SFMBT2: variants seen among roughly 807,000 people sequenced by gnomAD.
The protein encoded by SFMBT2 is scm-like with four MBT domains protein 2.
In SFMBT2, 38 loss-of-function variants were observed where a neutral mutation model predicts 110.1. That is an observed-to-expected ratio of 0.35 (90% CI 0.27 to 0.45). The LOEUF is 0.45. Ranked by LOEUF, SFMBT2 falls within the 20% of genes least tolerant of loss-of-function variation. The pLI, the probability that SFMBT2 is intolerant of heterozygous loss-of-function variation, is 1.00. For missense variants in SFMBT2, 1,011 were observed against 1,094.9 expected (o/e 0.92, Z 1.08); for synonymous variants, 425 against 425.4 (o/e 1.00, Z 0.01).
rs571614059 is a variant in SFMBT2, at chr10:7,317,572, C to A, written c.437-31618G>T. On this transcript the variant is annotated intron_variant, in intron 4 of 20. Coordinates refer to ENST00000397167, the MANE Select transcript of SFMBT2 (RefSeq NM_001387889.1). The stretch of plus-strand genomic sequence containing the variant: ...AGGAGAACCACTTGAACTCAGGAGG[C>A]GGAGGTTGCGGTGAGCGAAGATCAT... Among the ~76,000 whole-genome samples the A allele has an allele frequency of 7.5e-5, 10 of 134,018 alleles. No individual in the cohort carries two copies. The East Asian group carries it at 2.3e-3, about 31-fold the overall frequency. The allele number at this position is 134,018 out of a possible 152,430, so 87.9% of individuals were successfully genotyped here.
intron 9 of SFMBT2, among the ~76,000 whole-genome samples, chr10:7,228,730 T>TC (rs1314908163): frequency 8.8e-4 from 75 of 85,396 alleles, no homozygotes; most frequent in South Asian, 3.3e-3. Flanking sequence ...TTTCTTTCTT[T>TC]CTTTCCTTTC....
intron 1 of SFMBT2, among the ~76,000 whole-genome samples, chr10:7,410,534 CT>C (rs1263749901): frequency 5.7e-4 from 87 of 152,290 alleles, no homozygotes; most frequent in African/African-American, 2.0e-3. Context: ...TCCCGCACGG[CT>C]CGGCTTTTCC....
intron 12 of SFMBT2, chr10:7,205,326 A>G: frequency 1.0e-5 from 8 of 794,662 alleles, no homozygotes; most frequent in Non-Finnish European, 1.2e-5. Flanking sequence ...TCCTGGGCTC[A>G]AGCATTCTCC....
chr10:7,337,430 C>T (rs554937901), intron 4 of SFMBT2, among the ~76,000 whole-genome samples: 1 of 152,298 alleles, frequency 6.6e-6, no homozygotes, highest in South Asian at 2.1e-4. Context: ...GTGACTGGAT[C>T]GTGCAGGCAG....
chr10:7,356,934 A>G (rs1260286065), intron 4 of SFMBT2, among the ~76,000 whole-genome samples: 1 of 151,916 alleles, frequency 6.6e-6, no homozygotes, highest in Non-Finnish European at 1.5e-5. Context: ...CTTCCTACCC[A>G]CTTCGTATTG....
intron 7 of SFMBT2, among the ~76,000 whole-genome samples, chr10:7,271,559 T>C (rs543263491): frequency 1.3e-5 from 2 of 152,156 alleles, no homozygotes; most frequent in Non-Finnish European, 2.9e-5. Context: ...CTCAAGTTCA[T>C]CTGGGCCAGG....
chr10:7,212,702 A>C (rs536676190), intron 11 of SFMBT2, among the ~76,000 whole-genome samples: 1 of 152,208 alleles, frequency 6.6e-6, no homozygotes, highest in Non-Finnish European at 1.5e-5. Flanking sequence ...ACAAATAAAA[A>C]AGATTTTACA....
intron 4 of SFMBT2, among the ~76,000 whole-genome samples, chr10:7,350,503 TAATA>T (rs773933785): frequency 1.3e-5 from 2 of 152,188 alleles, no homozygotes; most frequent in Non-Finnish European, 2.9e-5. Context: ...TGCTTCCTCC[TAATA>T]AATGTCTTCC....
chr10:7,182,068 C>T (rs1319168210), intron 16 of SFMBT2, among the ~76,000 whole-genome samples: 1 of 151,938 alleles, frequency 6.6e-6, no homozygotes, highest in African/African-American at 2.4e-5. Flanking sequence ...TTTTTTGAGA[C>T]AGGCTCTCAC....
At chr10:7,312,351 C>T (rs370484245) in intron 4 of SFMBT2, among the ~76,000 whole-genome samples, 9 of 152,180 alleles carry the variant, frequency 5.9e-5, no homozygotes, top group African/African-American at 1.2e-4. Flanking sequence ...AAACTACCAA[C>T]GGGTGAACAG....
At chr10:7,246,371 T>C (rs1277232084) in intron 8 of SFMBT2, among the ~76,000 whole-genome samples, 3 of 150,680 alleles carry the variant, frequency 2.0e-5, no homozygotes, top group African/African-American at 7.3e-5. Context: ...AGTAGACACA[T>C]TCTAACATGA....
intron 9 of SFMBT2, among the ~76,000 whole-genome samples, chr10:7,236,696 G>GAA (rs55820105): frequency 1.3e-5 from 2 of 151,648 alleles, no homozygotes; most frequent in African/African-American, 4.8e-5. Flanking sequence ...AAAACTGCAA[G>GAA]TTTTAAAGAA....
Position 7,176,296 on chromosome 10 carries a change from T to C in SFMBT2, c.1809-131A>G, listed in dbSNP as rs1008659637. Reference sequence around the variant, plus strand: ...AGCATATCGCGTGCAGTTTCCCATGTTGCTTCTGTTATTTCTCACAGAGAT... The same window carrying C: ...AGCATATCGCGTGCAGTTTCCCATGCTGCTTCTGTTATTTCTCACAGAGAT... On this transcript the variant is annotated intron_variant, in intron 16 of 20. Transcript: ENST00000397167. The C allele has an allele frequency of 5.0e-5, 54 of 1,072,376 alleles. No homozygotes were observed. The African/African-American group carries it at 5.9e-4, about 12-fold the overall frequency. The allele number at this position is 1,072,376 out of a possible 1,614,324, so 66.4% of individuals were successfully genotyped here.
At chr10:7,389,125 A>G (rs1352720482) in intron 1 of SFMBT2, among the ~76,000 whole-genome samples, 2 of 152,228 alleles carry the variant, frequency 1.3e-5, no homozygotes, top group Admixed American at 1.3e-4. Context: ...ACAGCAACTA[A>G]TGGAACCTAT....
chr10:7,204,405 T>C (rs531999578), intron 12 of SFMBT2: 9 of 985,406 alleles, frequency 9.1e-6, no homozygotes, highest in Admixed American at 1.2e-4. Flanking sequence ...CTAAATTCCA[T>C]CAAGAAAATG....
chr10:7,285,713 T>C (rs945297444), intron 5 of SFMBT2, 153 bp downstream of exon 5: 4 of 654,394 alleles, frequency 6.1e-6, no homozygotes, highest in Non-Finnish European at 1.1e-5. Context: ...ACCTAAGTAA[T>C]TCAGGACAAA....
intron 9 of SFMBT2, among the ~76,000 whole-genome samples, chr10:7,231,521 C>T (rs896464642): frequency 9.8e-5 from 15 of 152,340 alleles, no homozygotes; most frequent in African/African-American, 3.4e-4. Context: ...TAACTAACTT[C>T]TAATGAGCTT....
chr10:7,387,556 T>C (rs1588502816), intron 1 of SFMBT2, among the ~76,000 whole-genome samples: 1 of 151,216 alleles, frequency 6.6e-6, no homozygotes, highest in African/African-American at 2.4e-5. Flanking sequence ...CGAGCTTGGG[T>C]GGGCCGGGGG....
intron 16 of SFMBT2, among the ~76,000 whole-genome samples, chr10:7,177,232 C>T (rs1468626079): frequency 1.3e-5 from 2 of 152,088 alleles, no homozygotes; most frequent in African/African-American, 2.4e-5. Flanking sequence ...GGAGAATGCA[C>T]GCTGGAATCA....
Sources: gnomAD v4.1 joint callset for allele counts (sites outside exome capture counted in the v4.1 genomes callset) on GRCh38, gnomAD v4.1.1 for gene constraint, MANE v1.5 for transcripts, NCBI Gene and HGNC (gene_info 2026-07-23, HGNC 2026-07-21) for gene names.